The following MTNR1A variants were observed in gnomAD, a reference collection of about 807,000 sequenced individuals.
The protein encoded by MTNR1A is melatonin receptor type 1A.
MTNR1A carries 7 observed loss-of-function variants against 5.5 expected under a neutral mutation model. The observed-to-expected ratio is 1.28, with a 90% CI of 0.73 to 2.40. MTNR1A has a LOEUF of 2.40. MTNR1A is among the 30% of genes most tolerant of loss of function. MTNR1A has a pLI of 0.00. For missense variants in MTNR1A, 441 were observed against 464.4 expected (o/e 0.95, Z 0.46); for synonymous variants, 196 against 202.7 (o/e 0.97, Z 0.28).
intron 1 of MTNR1A, among the ~76,000 whole-genome samples, chr4:186,548,816 T>G (rs1488431383): frequency 9.0e-5 from 6 of 66,440 alleles, no homozygotes; most frequent in African/African-American, 3.5e-4. Flanking sequence ...TAAAGATATA[T>G]ATATATATAT....
At chr4:186,547,677 G>A (rs1160330798) in intron 1 of MTNR1A, among the ~76,000 whole-genome samples, 1 of 152,196 alleles carries the variant, frequency 6.6e-6, no homozygotes, top group African/African-American at 2.4e-5. Context: ...GACTGCTGCT[G>A]TAGAGAAAAC....
intron 1 of MTNR1A, among the ~76,000 whole-genome samples, chr4:186,538,691 A>G (rs1390901423): frequency 1.3e-5 from 2 of 152,216 alleles, no homozygotes; most frequent in African/African-American, 4.8e-5. Context: ...CTATTTAATC[A>G]GCTCACACAA....
chr4:186,555,041 G>A lies in MTNR1A; in HGVS notation c.184+141C>T. On this transcript the variant is annotated intron_variant, in intron 1 of 1. Coordinates refer to ENST00000307161, the MANE Select transcript of MTNR1A (RefSeq NM_005958.4). The surrounding 1 kb of genome is among the most constrained non-coding windows in gnomAD (Gnocchi z 4.1). Reference sequence around the variant, plus strand: ...AGGCACTTTCAACGGGCAGGCTGGAGAAGAGTCCTCTCTAACAGGAAAAAT... The same window carrying A: ...AGGCACTTTCAACGGGCAGGCTGGAAAAGAGTCCTCTCTAACAGGAAAAAT... 2.0e-6 allele frequency: 2 copies of A among 978,856 alleles called. No individual in the cohort carries two copies. Among genetic ancestry groups the A allele is most frequent in the Non-Finnish European group, 3.1e-6 (2 of 640,396 alleles). The allele number at this position is 978,856 out of a possible 1,614,324, so 60.6% of individuals were successfully genotyped here. A position where few individuals can be genotyped will look rare whatever the true frequency, so the allele number is the denominator to read the frequency against.
chr4:186,542,744 G>A (rs1480166743), intron 1 of MTNR1A, among the ~76,000 whole-genome samples: 1 of 152,134 alleles, frequency 6.6e-6, no homozygotes, highest in South Asian at 2.1e-4. Flanking sequence ...GAAACTTTAG[G>A]TTCTGTTGGT....
intron 1 of MTNR1A, among the ~76,000 whole-genome samples, chr4:186,536,490 G>A (rs1309103760): frequency 3.9e-5 from 6 of 152,272 alleles, no homozygotes; most frequent in East Asian, 3.9e-4. Context: ...AGAAGATTTC[G>A]CCTTCTATTC....
In MTNR1A at chr4:186,555,155, GC is replaced by G; in HGVS notation, c.184+26del. ...GAGAGGCGCTGCGTCCGGAGCGCTG[GC>G]CCAGGGGAGGCGGCGCGGGCCCTAC... On this transcript the variant is annotated intron_variant, in intron 1 of 1. Coordinates refer to ENST00000307161, the MANE Select transcript of MTNR1A (RefSeq NM_005958.4). This position sits in a 1 kb window ranked among gnomAD's most constrained non-coding sequence, Gnocchi z 4.1. 1 of 1,579,740 alleles carries G rather than the reference GC, an allele frequency of 6.3e-7. No individual in the cohort carries two copies. Among genetic ancestry groups the G allele is most frequent in the East Asian group, 2.3e-5 (1 of 43,250 alleles).
At chr4:186,536,163 T>A (rs1336130765) in intron 1 of MTNR1A, among the ~76,000 whole-genome samples, 1 of 151,774 alleles carries the variant, frequency 6.6e-6, no homozygotes, top group Non-Finnish European at 1.5e-5. Context: ...CTGGCCAACA[T>A]GGTGACACCC....
chr4:186,543,373 A>T (rs544421129), intron 1 of MTNR1A, among the ~76,000 whole-genome samples: 2 of 152,214 alleles, frequency 1.3e-5, no homozygotes, highest in Non-Finnish European at 2.9e-5. Flanking sequence ...AGTGTCCCAG[A>T]GTGTTAGGAA....
At chr4:186,540,631 ATCTGAAGGACCAGGTGCTGTCTG>A (rs1295392328) in intron 1 of MTNR1A, among the ~76,000 whole-genome samples, 2 of 147,300 alleles carry the variant, frequency 1.4e-5, no homozygotes, top group African/African-American at 2.5e-5. Flanking sequence ...GGTGCTGTCT[ATCTGAAGGACCAGGTGCTGTCTG>A]TCTGAAGGAC....
At position 186,553,946 on chromosome 4, in the gene MTNR1A, A is replaced by G. The variant is rs371464207; in HGVS notation, c.184+1236T>C. Among the ~76,000 whole-genome samples, 10 of 152,288 alleles carry G rather than the reference A, an allele frequency of 6.6e-5. No individual in the cohort carries two copies. The South Asian group carries it at 1.0e-3, about 16-fold the overall frequency. On this transcript the variant is annotated intron_variant, in intron 1 of 1. Transcript: ENST00000307161. The stretch of plus-strand genomic sequence containing the variant: ...GCTCACACCTACAGTCCCTGGGAAC[A>G]ATCTGCAGCCCCAGTTTCTCCTCTG...
rs757006715 is a variant in MTNR1A at position 186,534,251 on chromosome 4, C to T, written c.491G>A (p.Arg164His). 1.1e-5 allele frequency: 17 copies of T among 1,614,066 alleles called. No individual in the cohort carries two copies. Among genetic ancestry groups the T allele is most frequent in the Admixed American group, 3.3e-5 (2 of 60,002 alleles). The change falls in exon 2 of 2, where the codon CGT (arginine) becomes CAT (histidine). Residue 164 changes from arginine (R) to histidine (H), a missense_variant. Coordinates refer to ENST00000307161, the MANE Select transcript of MTNR1A (RefSeq NM_005958.4). ...LTLAAVLPNL[R>H]AGTLQYDPRI... ...CGGGTCGTACTGGAGAGTCCCTGCA[C>T]GGAGGTTGGGCAGGACGGCCGCCAG...
At position 186,551,449 on chromosome 4, in the gene MTNR1A, C is replaced by A. The variant is rs544372048; in HGVS notation, c.184+3733G>T. Among the ~76,000 whole-genome samples the A allele has an allele frequency of 1.3e-4, 19 of 151,280 alleles. No homozygotes were observed. In the South Asian group the frequency reaches 3.5e-3, roughly 28 times the overall value. ...TAAACATACACTTAAAAAATAAAAA[C>A]AATCTAAAAAGAACTAATCACCAGA... On this transcript the variant is annotated intron_variant, in intron 1 of 1. Coordinates refer to ENST00000307161, the MANE Select transcript of MTNR1A (RefSeq NM_005958.4).
chr4:186,555,455 G>A lies in MTNR1A; in HGVS notation c.-90C>T. 2.7e-6 allele frequency: 3 copies of A among 1,107,704 alleles called. No individual in the cohort carries two copies. The highest frequency in any genetic ancestry group is 3.5e-5 in the South Asian group (1 of 28,222). The allele number at this position is 1,107,704 out of a possible 1,614,324, so 68.6% of individuals were successfully genotyped here. A position where few individuals can be genotyped will look rare whatever the true frequency, so the allele number is the denominator to read the frequency against. On this transcript the variant is annotated 5_prime_UTR_variant, in exon 1 of 2. Coordinates refer to ENST00000307161, the MANE Select transcript of MTNR1A (RefSeq NM_005958.4). The surrounding 1 kb of genome is among the most constrained non-coding windows in gnomAD (Gnocchi z 4.1). ...TAAGGCTCCGCCCGGCGCTCCCCGCGCCCACGCCCCATCCCGCGCGCTCCT... is the reference window on the plus strand; with the variant it reads ...TAAGGCTCCGCCCGGCGCTCCCCGCACCCACGCCCCATCCCGCGCGCTCCT...
intron 1 of MTNR1A, among the ~76,000 whole-genome samples, chr4:186,538,374 G>A (rs1375240919): frequency 6.6e-6 from 1 of 152,202 alleles, no homozygotes; most frequent in Non-Finnish European, 1.5e-5. Context: ...TTTTGAAGGC[G>A]GAAGTGCAGC....
intron 1 of MTNR1A, among the ~76,000 whole-genome samples, chr4:186,543,621 C>A (rs1737076565): frequency 6.6e-6 from 1 of 152,178 alleles, no homozygotes; most frequent in Non-Finnish European, 1.5e-5. Context: ...TAATAGTGAA[C>A]CTTGTATCTC....
chr4:186,534,076 T>A lies in MTNR1A; in HGVS notation c.666A>T (p.Lys222Asn), dbSNP rs774368784. 3 of 1,614,020 alleles carry A rather than the reference T, an allele frequency of 1.9e-6. No individual in the cohort carries two copies. In the Admixed American group the frequency reaches 5.0e-5, roughly 27 times the overall value. The change falls in exon 2 of 2, where the codon AAA (lysine) becomes AAT (asparagine). Residue 222 changes from lysine to asparagine, a missense_variant. Lys to Asn is a moderately conservative substitution (Grantham distance 94). Transcript: ENST00000307161. The part of the protein sequence containing the change: ...ILVLQVRQRV[K>N]PDRKPKLKPQ... ...GTTTCAGTTTGGGTTTGCGGTCAGG[T>A]TTCACCCTCTGTCTGACCTGGAGAA...
rs1737061461 is a variant in MTNR1A at position 186,543,031 on chromosome 4, T to C, written c.185-8474A>G. On this transcript the variant is annotated intron_variant, in intron 1 of 1. Coordinates refer to ENST00000307161, the MANE Select transcript of MTNR1A (RefSeq NM_005958.4). ...TCACTTGAGCCCAAGAGTTCAAGGCTGCAGGGAGCCATGATGGCACCACTG... is the reference window on the plus strand; with the variant it reads ...TCACTTGAGCCCAAGAGTTCAAGGCCGCAGGGAGCCATGATGGCACCACTG... Among the ~76,000 whole-genome samples, 11 of 152,184 alleles carry C rather than the reference T, an allele frequency of 7.2e-5. No homozygotes were observed. The South Asian group carries it at 2.3e-3, about 32-fold the overall frequency.
intron 1 of MTNR1A, among the ~76,000 whole-genome samples, chr4:186,540,440 AAGG>A (rs1352379625): frequency 6.6e-6 from 1 of 152,264 alleles, no homozygotes; most frequent in African/African-American, 2.4e-5. Context: ...GGAAGGCTGT[AAGG>A]AGGCCTTAGC....
At chr4:186,546,303 T>C (rs2111381269) in intron 1 of MTNR1A, among the ~76,000 whole-genome samples, 1 of 152,062 alleles carries the variant, frequency 6.6e-6, no homozygotes, top group South Asian at 2.1e-4. Flanking sequence ...CAGGGGTCTC[T>C]CCATAGCCGA....
Sources: allele counts gnomAD v4.1 joint callset (sites outside exome capture counted in the v4.1 genomes callset), GRCh38; gene constraint gnomAD v4.1.1; non-coding constraint Gnocchi (gnomAD v3.1); transcripts MANE v1.5; gene names NCBI Gene and HGNC (gene_info 2026-07-23, HGNC 2026-07-21).